Variants in BMP7 observed in about 807,000 individuals in gnomAD.
BMP7 encodes the protein osteogenic protein 1.
Under a neutral mutation model 41.2 loss-of-function variants are expected in BMP7, and 12 were observed. The ratio of observed to expected loss-of-function variants is 0.29; its 90% confidence interval spans 0.19 to 0.47. BMP7 has a LOEUF of 0.47. Ranked by LOEUF, BMP7 falls within the 20% of genes least tolerant of loss-of-function variation. The pLI, the probability that BMP7 is intolerant of heterozygous loss-of-function variation, is 0.99. For missense variants in BMP7, 467 were observed against 606.0 expected, an observed-to-expected ratio of 0.77 and a Z score of 2.41; for synonymous variants, 248 against 250.0, an observed-to-expected ratio of 0.99 and a Z score of 0.07.
chr20:57,221,766 A>C (rs1985194110), intron 2 of BMP7, among the ~76,000 whole-genome samples: 1 of 145,496 alleles, frequency 6.9e-6, no homozygotes, highest in Admixed American at 7.2e-5. Context: ...AGCTGTGATC[A>C]CTCCACTGCA....
chr20:57,211,972 T>C (rs998302260), intron 2 of BMP7, among the ~76,000 whole-genome samples: 4 of 144,788 alleles, frequency 2.8e-5, no homozygotes, highest in Admixed American at 6.9e-5. Context: ...TGAATACAGT[T>C]TCTCTCCTGA....
chr20:57,260,739 G>C (rs1172051747), intron 1 of BMP7, among the ~76,000 whole-genome samples: 2 of 152,196 alleles, frequency 1.3e-5, no homozygotes, highest in Non-Finnish European at 2.9e-5. Context: ...ACAATAACAT[G>C]ACAGGTCCCA....
At chr20:57,211,025 C>T (rs1023038487) in intron 2 of BMP7, among the ~76,000 whole-genome samples, 1 of 152,164 alleles carries the variant, frequency 6.6e-6, no homozygotes, top group African/African-American at 2.4e-5. Context: ...TCAGACACAG[C>T]CCCCCACCAC....
At chr20:57,212,637 C>T (rs934597839) in intron 2 of BMP7, among the ~76,000 whole-genome samples, 1 of 152,236 alleles carries the variant, frequency 6.6e-6, no homozygotes, top group African/African-American at 2.4e-5. Context: ...ATGGCCAGAG[C>T]ATTCCCAGGC....
At position 57,263,835 on chromosome 20, in the gene BMP7, C is replaced by T. The variant is rs191026478; in HGVS notation, c.418+1870G>A. Among the ~76,000 whole-genome samples, 72 of 152,232 alleles carry T rather than the reference C, an allele frequency of 4.7e-4. No homozygotes were observed. In the Middle Eastern group the frequency reaches 0.014, roughly 29 times the overall value. On this transcript the variant is annotated intron_variant, in intron 1 of 6. Coordinates refer to ENST00000395863, the MANE Select transcript of BMP7 (RefSeq NM_001719.3). Reference sequence around the variant, plus strand: ...TAAAAAAATCACAAATACAGAAGTGCAGACGACGAAAAATCAGACCCCACC... The same window carrying T: ...TAAAAAAATCACAAATACAGAAGTGTAGACGACGAAAAATCAGACCCCACC...
intron 3 of BMP7, among the ~76,000 whole-genome samples, chr20:57,200,674 T>TA (rs1984598289): frequency 6.6e-6 from 1 of 152,160 alleles, no homozygotes; most frequent in South Asian, 2.1e-4. Flanking sequence ...CGGGCGCCTG[T>TA]AGTCCCAGCT....
intron 3 of BMP7, among the ~76,000 whole-genome samples, chr20:57,193,648 T>A (rs962873214): frequency 3.3e-5 from 5 of 152,234 alleles, no homozygotes; most frequent in African/African-American, 1.2e-4. Context: ...TTTTGCTGTA[T>A]GTAAGTAGCA....
At chr20:57,262,709 A>G (rs1239237682) in intron 1 of BMP7, among the ~76,000 whole-genome samples, 1 of 152,156 alleles carries the variant, frequency 6.6e-6, no homozygotes, top group Non-Finnish European at 1.5e-5. Context: ...AGAGGCTGCC[A>G]AGATCCTCAC....
intron 1 of BMP7, among the ~76,000 whole-genome samples, chr20:57,235,540 C>A (rs939315447): frequency 6.6e-6 from 1 of 152,108 alleles, no homozygotes; most frequent in Non-Finnish European, 1.5e-5. Flanking sequence ...CCAGTGCCTG[C>A]GTTCAGGTAC....
At chr20:57,207,885 A>C (rs2123095751) in intron 2 of BMP7, among the ~76,000 whole-genome samples, 1 of 131,876 alleles carries the variant, frequency 7.6e-6, no homozygotes, top group South Asian at 2.5e-4. Flanking sequence ...TGCGGACTGC[A>C]GTGGCGCAAT....
In BMP7 at chr20:57,202,647, G is replaced by A. The variant is rs201253232; in HGVS notation, c.612-24C>T. On this transcript the variant is annotated intron_variant, in intron 2 of 6. Coordinates refer to ENST00000395863, the MANE Select transcript of BMP7 (RefSeq NM_001719.3). ...CCCTGCGAGAGAGGAGGAGAGACAC[G>A]GGCTTCGCGTTAGCCAGGTCACAGC... The A allele has an allele frequency of 1.9e-5, 31 of 1,607,204 alleles. No homozygotes were observed. In the East Asian group the frequency reaches 5.1e-4, roughly 27 times the overall value.
intron 1 of BMP7, among the ~76,000 whole-genome samples, chr20:57,264,067 G>A (rs1385647741): frequency 1.3e-5 from 2 of 152,150 alleles, no homozygotes; most frequent in African/African-American, 4.8e-5. Flanking sequence ...TTCTTAACTG[G>A]CTGCTTAGTA....
intron 2 of BMP7, among the ~76,000 whole-genome samples, chr20:57,209,183 G>GGGTAGCAA (rs1164074371): frequency 6.7e-6 from 1 of 149,794 alleles, no homozygotes; most frequent in Non-Finnish European, 1.5e-5. Context: ...ACTCCAGCCT[G>GGGTAGCAA]GGTAGCAAGG....
At position 57,266,223 on chromosome 20, in the gene BMP7, T is replaced by A. The variant is rs954066449; in HGVS notation, c.-101A>T. 3 of 1,241,442 alleles carry A rather than the reference T, an allele frequency of 2.4e-6. No individual in the cohort carries two copies. The African/African-American group carries it at 4.8e-5, about 20-fold the overall frequency. 76.9% of individuals were successfully genotyped at this position (1,241,442 alleles called of 1,614,324 possible). On this transcript the variant is annotated 5_prime_UTR_variant, in exon 1 of 7. Transcript: ENST00000395863. The stretch of plus-strand genomic sequence containing the variant: ...CCGTCCGCGCCGCTCGGTCACTTGC[T>A]GCAGACGGGCCCCGCTGCGCCCGCG...
intron 1 of BMP7, among the ~76,000 whole-genome samples, chr20:57,250,584 GT>G (rs1318674342): frequency 1.4e-5 from 2 of 146,864 alleles, no homozygotes; most frequent in African/African-American, 2.5e-5. Context: ...ATATCAAAAA[GT>G]GAGGGAAACA....
chr20:57,256,876 G>A (rs1195351484), intron 1 of BMP7, among the ~76,000 whole-genome samples: 1 of 150,202 alleles, frequency 6.7e-6, no homozygotes, highest in Non-Finnish European at 1.5e-5. Flanking sequence ...CAACAAAAGC[G>A]AAACTCCATC....
chr20:57,209,249 T>TATATATATA lies in BMP7; in HGVS notation c.612-6627_612-6626insTATATATAT, dbSNP rs1555814048. 2.7e-3 allele frequency among the ~76,000 whole-genome samples: 256 copies of TATATATATA among 94,786 alleles called. 2 individuals are homozygous for TATATATATA. Among genetic ancestry groups the TATATATATA allele is most frequent in the South Asian group, 7.2e-3 (18 of 2,502 alleles). The allele number at this position is 94,786 out of a possible 152,430, so 62.2% of individuals were successfully genotyped here. ...AACAAATACCTAGATTTATATATTTTTATATATATATATATATATATATAT... is the reference window on the plus strand; with the variant it reads ...AACAAATACCTAGATTTATATATTTTATATATATATATATATATATATATATATATATAT... On this transcript the variant is annotated intron_variant, in intron 2 of 6. Coordinates refer to ENST00000395863, the MANE Select transcript of BMP7 (RefSeq NM_001719.3).
intron 1 of BMP7, among the ~76,000 whole-genome samples, chr20:57,233,446 C>T (rs543309819): frequency 3.9e-5 from 6 of 152,312 alleles, no homozygotes; most frequent in East Asian, 3.9e-4. Flanking sequence ...TACAAAAACC[C>T]GAAATAGCCC....
chr20:57,250,367 T>C (rs2066107338), intron 1 of BMP7, among the ~76,000 whole-genome samples: 1 of 147,366 alleles, frequency 6.8e-6, no homozygotes, highest in South Asian at 2.1e-4. Context: ...TAGATATATA[T>C]ACACACACAA....
Sources: gnomAD v4.1 joint callset for allele counts (sites outside exome capture counted in the v4.1 genomes callset) on GRCh38, gnomAD v4.1.1 for gene constraint, MANE v1.5 for transcripts, NCBI Gene and HGNC (gene_info 2026-07-23, HGNC 2026-07-21) for gene names.